Variants in SLC71A2 observed in about 807,000 individuals in gnomAD.
The protein encoded by SLC71A2 is solute carrier family 71 member 2, also known as hippocampus abundant transcript-like 1.
At chr9:94,427,355 A>G in the SLC71A2 span, among the ~76,000 whole-genome samples, 7 of 152,186 alleles carry the variant, frequency 4.6e-5, no homozygotes, top group East Asian at 9.6e-4. Context: ...TTTTAGAGGA[A>G]TTGCCTGCAT....
the SLC71A2 span, among the ~76,000 whole-genome samples, chr9:94,440,508 T>C: frequency 1.3e-5 from 2 of 152,012 alleles, no homozygotes; most frequent in African/African-American, 4.8e-5. Context: ...CTATAAGGTT[T>C]TTCTTTGTTA....
the SLC71A2 span, among the ~76,000 whole-genome samples, chr9:94,431,814 A>G: frequency 2.6e-5 from 4 of 152,156 alleles, no homozygotes; most frequent in South Asian, 2.1e-4. Flanking sequence ...CCCACCAGCA[A>G]TTACAGTATT....
At chr9:94,446,946 G>T in the SLC71A2 span, 1 of 1,317,194 alleles carries the variant, frequency 7.6e-7, no homozygotes, top group South Asian at 1.2e-5. Context: ...GGTGAGTAGT[G>T]AGTGGCTAGT....
At chr9:94,377,979 C>T in the SLC71A2 span, among the ~76,000 whole-genome samples, 1 of 152,042 alleles carries the variant, frequency 6.6e-6, no homozygotes, top group African/African-American at 2.4e-5. Flanking sequence ...TGGCAGGCGC[C>T]TGTAGTCCCA....
the SLC71A2 span, among the ~76,000 whole-genome samples, chr9:94,402,580 G>A: frequency 6.6e-6 from 1 of 152,058 alleles, no homozygotes; most frequent in African/African-American, 2.4e-5. Flanking sequence ...TTGTAAGGGC[G>A]CTTTCTATGT....
the SLC71A2 span, chr9:94,415,309 G>A: frequency 4.9e-5 from 62 of 1,259,704 alleles, no homozygotes; most frequent in Middle Eastern, 6.6e-3. Flanking sequence ...AAGTTCTTAG[G>A]CACGTATCAC....
the SLC71A2 span, among the ~76,000 whole-genome samples, chr9:94,431,055 G>A: frequency 6.6e-6 from 1 of 152,210 alleles, no homozygotes; most frequent in Admixed American, 6.5e-5. Flanking sequence ...GCTCACGCCT[G>A]TAATCCCAGC....
At chr9:94,435,709 C>T in the SLC71A2 span, among the ~76,000 whole-genome samples, 29 of 136,938 alleles carry the variant, frequency 2.1e-4, no homozygotes, top group African/African-American at 7.8e-4. Context: ...GGCTGGAGTG[C>T]AATGGCACGA....
chr9:94,390,630 A>G, the SLC71A2 span, among the ~76,000 whole-genome samples: 1 of 152,208 alleles, frequency 6.6e-6, no homozygotes, highest in Non-Finnish European at 1.5e-5. Context: ...TTGATCCCAT[A>G]TATGGATGTG....
At chr9:94,454,185 T>A in the SLC71A2 span, 1 of 690,804 alleles carries the variant, frequency 1.4e-6, no homozygotes, top group African/African-American at 1.8e-5. Context: ...TTTGGTGTAT[T>A]CAACATTGCA....
chr9:94,457,960 G>C, the SLC71A2 span, among the ~76,000 whole-genome samples: 1 of 152,158 alleles, frequency 6.6e-6, no homozygotes, highest in Non-Finnish European at 1.5e-5. Flanking sequence ...GGACTGGTCT[G>C]TATTCCTGAC....
chr9:94,398,766 G>T, the SLC71A2 span, among the ~76,000 whole-genome samples: 1 of 138,412 alleles, frequency 7.2e-6, no homozygotes, highest in Non-Finnish European at 1.5e-5. Flanking sequence ...GTGGGCTTTT[G>T]TTAAATTCCA....
the SLC71A2 span, among the ~76,000 whole-genome samples, chr9:94,403,191 CA>C: frequency 1.3e-5 from 2 of 152,152 alleles, no homozygotes. Context: ...GGCTGGAGTG[CA>C]ATGGCGCGAT....
the SLC71A2 span, among the ~76,000 whole-genome samples, chr9:94,453,479 A>G: frequency 0.54 from 82,029 of 151,930 alleles, 22,668 homozygotes; most frequent in African/African-American, 0.64. Flanking sequence ...ACCCCTTTTT[A>G]GACTTTCTCA....
At chr9:94,405,016 AT>A in the SLC71A2 span, among the ~76,000 whole-genome samples, 4 of 152,072 alleles carry the variant, frequency 2.6e-5, no homozygotes, top group African/African-American at 9.7e-5. Flanking sequence ...TAACTTTTAT[AT>A]ATGGTTTAGG....
the SLC71A2 span, among the ~76,000 whole-genome samples, chr9:94,391,730 A>G: frequency 6.9e-4 from 103 of 148,674 alleles, no homozygotes; most frequent in African/African-American, 2.5e-3. Flanking sequence ...TCTACTAAAT[A>G]TACAAAAAAT....
At chr9:94,408,075 C>T in the SLC71A2 span, among the ~76,000 whole-genome samples, 1 of 152,066 alleles carries the variant, frequency 6.6e-6, no homozygotes, top group African/African-American at 2.4e-5. Flanking sequence ...AAATTAAACT[C>T]AATCATAGGT....
chr9:94,394,250 A>T, the SLC71A2 span, among the ~76,000 whole-genome samples: 1 of 111,332 alleles, frequency 9.0e-6, no homozygotes, highest in East Asian at 2.7e-4. Flanking sequence ...CAGTGCTGAG[A>T]AAATTTTTAT....
At chr9:94,441,462 A>C in the SLC71A2 span, among the ~76,000 whole-genome samples, 1 of 152,220 alleles carries the variant, frequency 6.6e-6, no homozygotes, top group Admixed American at 6.5e-5. Flanking sequence ...ACAACCAAGG[A>C]AGGTGGTGCT....
Sources: allele counts gnomAD v4.1 joint callset (sites outside exome capture counted in the v4.1 genomes callset), GRCh38; gene constraint gnomAD v4.1.1; transcripts MANE v1.5; gene names NCBI Gene and HGNC (gene_info 2026-07-23, HGNC 2026-07-21).